The following CROCC variants were observed in gnomAD, a reference collection of about 807,000 sequenced individuals.
CROCC encodes the protein ciliary rootlet coiled-coil, rootletin.
A neutral mutation model predicts 245.2 loss-of-function variants in CROCC; 180 were observed. That is an observed-to-expected ratio of 0.73 (90% CI 0.65 to 0.83). The LOEUF is 0.83. Among genes scored for constraint, CROCC ranks in the 40% least tolerant of loss-of-function variants. CROCC has a pLI of 0.00. For missense variants in CROCC, 2,688 were observed against 2,779.4 expected, an observed-to-expected ratio of 0.97 and a Z score of 0.74; for synonymous variants, 1,205 against 1,241.6, an observed-to-expected ratio of 0.97 and a Z score of 0.62.
At chr1:16,969,680 A>C in intron 32 of CROCC, 105 bp from the exon 33 acceptor site, 1 of 1,471,006 alleles carries the variant, frequency 6.8e-7, no homozygotes, top group Non-Finnish European at 9.1e-7. Context: ...TCCAGGTGAG[A>C]TGACTGCCTG....
intron 3 of CROCC, among the ~76,000 whole-genome samples, chr1:16,925,113 C>T (rs1405291878): frequency 1.3e-5 from 2 of 152,272 alleles, no homozygotes; most frequent in Non-Finnish European, 2.9e-5. Flanking sequence ...GCTCTTGATG[C>T]ACTGTCTGCT....
At chr1:16,959,443 C>T (rs2076296119) in intron 26 of CROCC, among the ~76,000 whole-genome samples, 1 of 152,240 alleles carries the variant, frequency 6.6e-6, no homozygotes, top group Non-Finnish European at 1.5e-5. Context: ...CCTTTTCCGG[C>T]TGTTTCATTG....
chr1:16,930,911 G>A (rs1490329456), intron 7 of CROCC, among the ~76,000 whole-genome samples: 8 of 152,262 alleles, frequency 5.3e-5, no homozygotes, highest in African/African-American at 9.6e-5. Flanking sequence ...CTGAGAGATC[G>A]TGCCACTGCA....
intron 19 of CROCC, among the ~76,000 whole-genome samples, chr1:16,950,455 T>C (rs1292855922): frequency 1.3e-5 from 2 of 150,386 alleles, no homozygotes; most frequent in Admixed American, 6.6e-5. Flanking sequence ...GCCTCTTGGG[T>C]TCAAGCGATT....
At chr1:16,958,501 G>A in intron 25 of CROCC, 82 bp from the exon 26 acceptor site, 2 of 1,492,290 alleles carry the variant, frequency 1.3e-6, no homozygotes, top group African/African-American at 1.4e-5. Flanking sequence ...CCCTACAGCA[G>A]TAGGTACCAA....
intron 8 of CROCC, 112 bp from the exon 9 acceptor site, chr1:16,936,525 T>G (rs2075791003): frequency 1.3e-5 from 15 of 1,148,026 alleles, no homozygotes; most frequent in Middle Eastern, 2.0e-4. Flanking sequence ...CGCCTTGGCC[T>G]CCTGAAGTGC....
At chr1:16,942,661 C>T (rs1404317537) in intron 13 of CROCC, among the ~76,000 whole-genome samples, 4 of 152,250 alleles carry the variant, frequency 2.6e-5, no homozygotes, top group East Asian at 1.9e-4. Flanking sequence ...ACTCATACAG[C>T]GTGTGTGGCT....
At chr1:16,946,478 A>T (rs957576456) in intron 16 of CROCC, 73 bp downstream of exon 16, 67 of 1,559,060 alleles carry the variant, frequency 4.3e-5, no homozygotes, top group Non-Finnish European at 5.4e-5. Flanking sequence ...CCCCGGGCCC[A>T]GCCCTGTACC....
At chr1:16,938,530 C>T in intron 11 of CROCC, 47 bp downstream of exon 11, 2 of 1,498,868 alleles carry the variant, frequency 1.3e-6, no homozygotes, top group Non-Finnish European at 1.8e-6. Context: ...CAGGCAGTCC[C>T]AGGCTCCCCC....
In CROCC at chr1:16,961,108, T is replaced by C; in HGVS notation, c.4383T>C (p.Pro1461=). Residue 1461 remains proline, a synonymous_variant, in exon 27 of 37, where the codon CCT becomes CCC. Coordinates refer to ENST00000375541, the MANE Select transcript of CROCC (RefSeq NM_014675.5). ...CCCCGCGGCCAGTGCCCGGTTCCCC[T>C]GCCCGGGACGCACCCGCAGAAGGTA... ...SPAPRPVPGS[P]ARDAPAEGSG... The C allele has an allele frequency of 7.4e-7, 1 of 1,354,110 alleles. No homozygotes were observed. Among genetic ancestry groups the C allele is most frequent in the Non-Finnish European group, 9.4e-7 (1 of 1,058,338 alleles). The allele number at this position is 1,354,110 out of a possible 1,614,324, so 83.9% of individuals were successfully genotyped here.
At chr1:16,914,791 A>G (rs1198000068) in intron 1 of CROCC, among the ~76,000 whole-genome samples, 2 of 152,362 alleles carry the variant, frequency 1.3e-5, no homozygotes, top group Admixed American at 6.5e-5. Flanking sequence ...CCTGACGACC[A>G]TGCTGGGGCG....
chr1:16,971,638 G>A lies in CROCC; in HGVS notation c.5958G>A (p.Leu1986=), dbSNP rs2076523765. ...CCCACCGCCAGAGGGTGCGTGGGCT[G>A]GAGGAGCAGGTGTGCAGGCCCCCTT... is the stretch of plus-strand genomic sequence containing the variant. ...ERAHRQRVRG[L]EEQVSTLKGQ... is the part of the protein sequence containing the mutation. The change falls in exon 36 of 37, where the codon CTG becomes CTA. Residue 1986 remains leucine, a synonymous_variant. Transcript: ENST00000375541. 1.3e-6 allele frequency: 2 copies of A among 1,496,940 alleles called. No individual in the cohort carries two copies. Among genetic ancestry groups the A allele is most frequent in the South Asian group, 1.3e-5 (1 of 78,674 alleles). The allele number at this position is 1,496,940 out of a possible 1,614,324, so 92.7% of individuals were successfully genotyped here.
At chr1:16,944,642 A>G (rs6586584) in intron 14 of CROCC, among the ~76,000 whole-genome samples, 3,820 of 126,036 alleles carry the variant, frequency 0.03, no homozygotes, top group African/African-American at 0.06. Context: ...CAGTTCTCTC[A>G]TTTAACTCCA....
rs1387727003 is a variant in CROCC at position 16,968,233 on chromosome 1, A to G, written c.4891A>G (p.Thr1631Ala). ...EKISKMKANE[T>A]KLEGDKRRLK... ...GATCAGCAAGATGAAGGCCAATGAG[A>G]CAAAGCTGGAGGGCGACAAGCGGCG... The change falls in exon 31 of 37, where the codon ACA becomes GCA. Residue 1631 changes from threonine (T) to alanine (A), a missense_variant. Physicochemically the swap from Thr to Ala is moderately conservative, Grantham distance 58. This residue lies in a region of CROCC where 1,218 missense variants were observed against 1,286.3 expected (regional missense o/e 0.95). Coordinates refer to ENST00000375541, the MANE Select transcript of CROCC (RefSeq NM_014675.5). The G allele has an allele frequency of 1.3e-6, 2 of 1,567,478 alleles. No homozygotes were observed. The highest frequency in any genetic ancestry group is 2.4e-5 in the East Asian group (1 of 42,366).
intron 13 of CROCC, 118 bp downstream of exon 13, chr1:16,940,211 C>T: frequency 1.8e-6 from 2 of 1,105,096 alleles, no homozygotes; most frequent in Non-Finnish European, 1.3e-6. Context: ...GCTGCATGTG[C>T]CTATTAACGT....
At chr1:16,945,311 A>G (rs1215046006) in intron 14 of CROCC, 151 bp from the exon 15 acceptor site, 5 of 1,058,206 alleles carry the variant, frequency 4.7e-6, no homozygotes, top group Non-Finnish European at 7.0e-6. Context: ...TCATGGAGCT[A>G]AGCGGTAGTG....
intron 7 of CROCC, 105 bp downstream of exon 7, chr1:16,930,699 G>C: frequency 7.4e-7 from 1 of 1,351,246 alleles, no homozygotes; most frequent in Non-Finnish European, 1.0e-6. Context: ...ACTGTCCAAG[G>C]GAGCCTGTTA....
intron 3 of CROCC, among the ~76,000 whole-genome samples, chr1:16,928,109 T>C (rs2075577616): frequency 6.6e-6 from 1 of 152,286 alleles, no homozygotes; most frequent in South Asian, 2.1e-4. Flanking sequence ...TCCTGTTGGC[T>C]TCCTGTGGCT....
At chr1:16,936,488 C>T (rs1380424149) in intron 8 of CROCC, 149 bp from the exon 9 acceptor site, 21 of 752,874 alleles carry the variant, frequency 2.8e-5, no homozygotes, top group Admixed American at 1.6e-4. Flanking sequence ...AGGCTGGTCT[C>T]GAACTCCTGA....
Sources: gnomAD v4.1 joint callset for allele counts (sites outside exome capture counted in the v4.1 genomes callset) on GRCh38, gnomAD v4.1.1 for gene constraint, gnomAD v4.1.1 regional missense constraint, MANE v1.5 for transcripts, NCBI Gene and HGNC (gene_info 2026-07-23, HGNC 2026-07-21) for gene names.